OOSP3: variants seen among roughly 807,000 people sequenced by gnomAD.
OOSP3 encodes the protein oocyte secreted protein family member 3.
chr11:59,893,280 A>G (rs1204190967), intron 2 of OOSP3, among the ~76,000 whole-genome samples: 1 of 152,234 alleles, frequency 6.6e-6, no homozygotes, highest in Non-Finnish European at 1.5e-5. Context: ...AAAATTATCA[A>G]TAGAAAAACA....
At chr11:59,879,504 A>G (rs1234489120) in intron 1 of OOSP3, among the ~76,000 whole-genome samples, 1 of 151,768 alleles carries the variant, frequency 6.6e-6, no homozygotes, top group Non-Finnish European at 1.5e-5. Context: ...TAATTTTGTT[A>G]TTTCTAGTTT....
chr11:59,889,357 C>A (rs750005278), intron 2 of OOSP3, among the ~76,000 whole-genome samples: 7 of 151,656 alleles, frequency 4.6e-5, no homozygotes, highest in Non-Finnish European at 8.8e-5. Flanking sequence ...TGGGGTTTCT[C>A]TTGTTTCTCT....
chr11:59,884,556 G>C (rs1168138860), intron 2 of OOSP3, among the ~76,000 whole-genome samples: 1 of 150,530 alleles, frequency 6.6e-6, no homozygotes, highest in Non-Finnish European at 1.5e-5. Flanking sequence ...CTGGAGTGCA[G>C]TGGCATGAAC....
rs182005222 is a variant in OOSP3 at position 59,881,942 on chromosome 11, A to G, written c.252+1503A>G. On this transcript the variant is annotated intron_variant, in intron 2 of 4. Coordinates refer to ENST00000646438, the Ensembl canonical transcript of OOSP3. ...TAAGTGGTGAATAACCACACTCTCC[A>G]TTTAGAGGTATGTGTGTCCTATACA... 8.1e-4 allele frequency among the ~76,000 whole-genome samples: 123 copies of G among 152,352 alleles called. 2 individuals carry two copies. The highest frequency in any genetic ancestry group is 2.4e-3 in the African/African-American group (98 of 41,576).
At position 59,889,654 on chromosome 11, in the gene OOSP3, TGA is replaced by T. The variant is rs374598483; in HGVS notation, c.253-4420_253-4419del. Among the ~76,000 whole-genome samples, 154 of 152,342 alleles carry T rather than the reference TGA, an allele frequency of 1.0e-3. 1 individual carries two copies. In the South Asian group the frequency reaches 0.025, roughly 25 times the overall value. On this transcript the variant is annotated intron_variant, in intron 2 of 4. Transcript: ENST00000646438. Reference sequence around the variant, plus strand: ...GTTCTAATTTGATTATGCTGTGGTCTGAGAGACTGTTATATTTCAGTTCTTTT... The same window carrying T: ...GTTCTAATTTGATTATGCTGTGGTCTGAGACTGTTATATTTCAGTTCTTTT...
intron 2 of OOSP3, among the ~76,000 whole-genome samples, chr11:59,892,401 C>G (rs554080202): frequency 5.3e-5 from 8 of 152,140 alleles, no homozygotes; most frequent in Non-Finnish European, 1.0e-4. Flanking sequence ...GTTGGAAATG[C>G]AGAATTCACT....
chr11:59,894,432 C>A (rs1853338659), intron 3 of OOSP3, among the ~76,000 whole-genome samples: 1 of 152,094 alleles, frequency 6.6e-6, no homozygotes, highest in Non-Finnish European at 1.5e-5. Flanking sequence ...TTCAGTGATA[C>A]CAACTGGGCT....
intron 2 of OOSP3, among the ~76,000 whole-genome samples, chr11:59,891,279 T>A (rs778136284): frequency 6.6e-6 from 1 of 152,208 alleles, no homozygotes; most frequent in Non-Finnish European, 1.5e-5. Flanking sequence ...CTTCTGTCAG[T>A]TCATCCATCT....
At chr11:59,895,179 A>C in intron 3 of OOSP3, among the ~76,000 whole-genome samples, 1 of 152,076 alleles carries the variant, frequency 6.6e-6, no homozygotes. Context: ...AACTTTTAAA[A>C]CAGCCAGGAT....
At chr11:59,893,107 A>G (rs1193396172) in intron 2 of OOSP3, among the ~76,000 whole-genome samples, 1 of 152,210 alleles carries the variant, frequency 6.6e-6, no homozygotes, top group Non-Finnish European at 1.5e-5. Context: ...CATACAATTT[A>G]TATACTCAAC....
At chr11:59,885,315 T>G (rs1356478559) in intron 2 of OOSP3, among the ~76,000 whole-genome samples, 2 of 152,106 alleles carry the variant, frequency 1.3e-5, no homozygotes, top group African/African-American at 4.8e-5. Context: ...TAGACAATGA[T>G]TTCTTCTCTT....
chr11:59,896,236 A>G, exon 5 of OOSP3: 1 of 398,370 alleles, frequency 2.5e-6, no homozygotes, highest in Non-Finnish European at 4.4e-6. Context: ...CAATCCTGAA[A>G]ACTCTGTTGC....
intron 2 of OOSP3, among the ~76,000 whole-genome samples, chr11:59,883,928 A>G (rs954364945): frequency 2.0e-5 from 3 of 152,238 alleles, no homozygotes; most frequent in African/African-American, 7.2e-5. Context: ...ATTGTTATGC[A>G]CTAAATGAAA....
At chr11:59,886,843 T>C (rs1048945430) in intron 2 of OOSP3, among the ~76,000 whole-genome samples, 1 of 150,420 alleles carries the variant, frequency 6.6e-6, no homozygotes, top group African/African-American at 2.4e-5. Flanking sequence ...CAGGCTGGGG[T>C]GCAGTGGTGT....
chr11:59,894,826 C>A (rs1853341703), intron 3 of OOSP3, among the ~76,000 whole-genome samples: 1 of 152,150 alleles, frequency 6.6e-6, no homozygotes, highest in South Asian at 2.1e-4. Context: ...CACCTTCTCA[C>A]CTAACTGCCA....
chr11:59,880,468 A>T (rs1853189052), intron 2 of OOSP3, 29 bp downstream of exon 2: 1 of 398,442 alleles, frequency 2.5e-6, no homozygotes. Flanking sequence ...TCAAATAATA[A>T]ACTAACCCCT....
In OOSP3 at chr11:59,891,502, T is replaced by A. The variant is rs116741811; in HGVS notation, c.253-2577T>A. On this transcript the variant is annotated intron_variant, in intron 2 of 4. Coordinates refer to ENST00000646438, the Ensembl canonical transcript of OOSP3. Reference sequence around the variant, plus strand: ...TGATGTTGTTGCTTTCTGTTTGTTTTTCTTTTAACATTCAGAACCCGCTTC... The same window carrying A: ...TGATGTTGTTGCTTTCTGTTTGTTTATCTTTTAACATTCAGAACCCGCTTC... 7.3e-3 allele frequency among the ~76,000 whole-genome samples: 1,118 copies of A among 152,322 alleles called. 13 individuals carry two copies. The highest frequency in any genetic ancestry group is 0.026 in the African/African-American group (1,070 of 41,552).
intron 2 of OOSP3, among the ~76,000 whole-genome samples, chr11:59,890,176 A>G (rs903750690): frequency 6.6e-6 from 1 of 152,108 alleles, no homozygotes; most frequent in African/African-American, 2.4e-5. Context: ...GTGTCTTTGC[A>G]TATGAGATGT....
At chr11:59,888,584 T>C (rs544037125) in intron 2 of OOSP3, among the ~76,000 whole-genome samples, 32 of 152,244 alleles carry the variant, frequency 2.1e-4, no homozygotes, top group African/African-American at 1.4e-4. Context: ...GTTCTGTTTA[T>C]GTGACAAATT....
Sources: gnomAD v4.1 joint callset for allele counts (sites outside exome capture counted in the v4.1 genomes callset) on GRCh38, gnomAD v4.1.1 for gene constraint, MANE v1.5 for transcripts, NCBI Gene and HGNC (gene_info 2026-07-23, HGNC 2026-07-21) for gene names.